MRC1: variants seen among roughly 807,000 people sequenced by gnomAD.
MRC1 encodes macrophage mannose receptor 1.
A neutral mutation model predicts 102.9 loss-of-function variants in MRC1; 62 were observed. The observed-to-expected ratio is 0.60, with a 90% confidence interval of 0.49 to 0.74. MRC1 has a LOEUF of 0.74. Ranked by LOEUF, MRC1 falls within the 30% of genes least tolerant of loss-of-function variation. The pLI, the probability that MRC1 is intolerant of heterozygous loss-of-function variation, is 0.00. For missense variants in MRC1, 1,237 were observed against 862.8 expected (o/e 1.43, Z -5.43); for synonymous variants, 457 against 298.4 (o/e 1.53, Z -5.48).
At chr10:17,816,043 C>T (rs537237997) in intron 1 of MRC1, among the ~76,000 whole-genome samples, 11 of 152,120 alleles carry the variant, frequency 7.2e-5, no homozygotes, top group African/African-American at 1.2e-4. Context: ...AGGCTGATCT[C>T]GAACTCCTGA....
intron 5 of MRC1, among the ~76,000 whole-genome samples, chr10:17,843,385 T>C (rs1446310544): frequency 6.6e-6 from 1 of 152,078 alleles, no homozygotes; most frequent in Non-Finnish European, 1.5e-5. Context: ...AAGATAACTT[T>C]GGCCAGGTGC....
intron 9 of MRC1, among the ~76,000 whole-genome samples, chr10:17,857,622 A>G (rs1386227402): frequency 6.6e-6 from 1 of 152,222 alleles, no homozygotes; most frequent in Non-Finnish European, 1.5e-5. Context: ...ACTGAAACAC[A>G]AAGAGTTTAA....
intron 8 of MRC1, among the ~76,000 whole-genome samples, chr10:17,853,927 C>T (rs1231665410): frequency 1.3e-5 from 2 of 152,096 alleles, no homozygotes; most frequent in East Asian, 1.9e-4. Flanking sequence ...GTACTTAGCT[C>T]ACCTGTGGAT....
At chr10:17,810,794 ATTTTAT>A (rs1339222800) in intron 1 of MRC1, among the ~76,000 whole-genome samples, 2 of 152,150 alleles carry the variant, frequency 1.3e-5, no homozygotes, top group Non-Finnish European at 2.9e-5. Context: ...GATGAAATTA[ATTTTAT>A]TTTTATTTTT....
chr10:17,866,957 A>G (rs966952491), intron 12 of MRC1, among the ~76,000 whole-genome samples, 196 bp downstream of exon 12: 11 of 152,032 alleles, frequency 7.2e-5, no homozygotes, highest in Non-Finnish European at 1.6e-4. Flanking sequence ...TAGACCCACA[A>G]ATACAACCAA....
chr10:17,851,053 A>T (rs1041002381), intron 7 of MRC1, among the ~76,000 whole-genome samples: 1 of 152,226 alleles, frequency 6.6e-6, no homozygotes, highest in Non-Finnish European at 1.5e-5. Context: ...ACTTAAATTT[A>T]GTGTGGCACT....
Position 17,849,624 on chromosome 10 carries a change from C to T in MRC1, c.1109C>T (p.Ala370Val). 2.6e-6 allele frequency: 2 copies of T among 780,820 alleles called. No individual in the cohort carries two copies. The highest frequency in any genetic ancestry group is 4.8e-6 in the Non-Finnish European group (2 of 418,084). The allele number at this position is 780,820 out of a possible 1,614,324, so 48.4% of individuals were successfully genotyped here. ...THCPSQWWPY[A>V]GHCYKIHRDE... The stretch of plus-strand genomic sequence containing the variant: ...TGTCCTAGTCAGTGGTGGCCGTATG[C>T]CGGTCACTGTTACAAGATTCACAGA... The change falls in exon 7 of 30, where the codon GCC (alanine) becomes GTC (valine). Residue 370 changes from alanine (A) to valine (V), a missense_variant. Ala to Val is a moderately conservative substitution (Grantham distance 64, BLOSUM62 0). Coordinates refer to ENST00000569591, the MANE Select transcript of MRC1 (RefSeq NM_002438.4).
At chr10:17,841,720 C>T (rs1838753691) in intron 5 of MRC1, among the ~76,000 whole-genome samples, 1 of 151,294 alleles carries the variant, frequency 6.6e-6, no homozygotes, top group Admixed American at 6.6e-5. Context: ...ATCCCCACCC[C>T]TCAATCCCAC....
chr10:17,844,040 C>T lies in MRC1; in HGVS notation c.917-1249C>T, dbSNP rs868972191. Among the ~76,000 whole-genome samples the T allele has an allele frequency of 8.5e-5, 13 of 152,256 alleles. No individual in the cohort carries two copies. The Middle Eastern group carries it at 0.01, about 120-fold the overall frequency. ...GAAATGTATCAATGCCTACATTCAT[C>T]CCTTTAGCAACGTTGACTTTATCTG... On this transcript the variant is annotated intron_variant, in intron 5 of 29. Transcript: ENST00000569591.
chr10:17,907,966 A>G (rs1432153037), intron 28 of MRC1, among the ~76,000 whole-genome samples: 1 of 152,212 alleles, frequency 6.6e-6, no homozygotes, highest in Non-Finnish European at 1.5e-5. Flanking sequence ...CCAAGCTGCA[A>G]ACAGTCAGGA....
In MRC1 at chr10:17,866,563, G is replaced by C; in HGVS notation, c.1785G>C (p.Gly595=). 1 of 780,850 alleles carries C rather than the reference G, an allele frequency of 1.3e-6. No individual in the cohort carries two copies. 48.4% of individuals were successfully genotyped at this position (780,850 alleles called of 1,614,324 possible). The change falls in exon 12 of 30, where the codon GGG becomes GGC. Residue 595 remains glycine, a splice_region_variant and synonymous_variant. Transcript: ENST00000569591. ...RFTHWNSDMP[G]RKPGCVAMRT... is the part of the protein sequence containing the mutation. ...TTCTACTTCATATATTTAATGCAGG[G>C]CGAAAGCCAGGGTGTGTTGCCATGA... is the stretch of plus-strand genomic sequence containing the variant.
At chr10:17,831,110 C>G (rs965700321) in intron 3 of MRC1, among the ~76,000 whole-genome samples, 18 of 149,302 alleles carry the variant, frequency 1.2e-4, no homozygotes, top group African/African-American at 4.5e-4. Flanking sequence ...GTTGGTCAGG[C>G]TGATCGCGAA....
chr10:17,898,344 G>A, intron 24 of MRC1, 78 bp downstream of exon 24: 2 of 779,902 alleles, frequency 2.6e-6, no homozygotes, highest in Middle Eastern at 2.3e-4. Flanking sequence ...TGTTTGTTCT[G>A]TTGAATACTC....
intron 1 of MRC1, among the ~76,000 whole-genome samples, chr10:17,813,321 T>A (rs1838253531): frequency 6.6e-6 from 1 of 152,194 alleles, no homozygotes. Flanking sequence ...GACATAGACA[T>A]CACGCTAATG....
chr10:17,844,466 C>A (rs968996479), intron 5 of MRC1, among the ~76,000 whole-genome samples: 1 of 152,102 alleles, frequency 6.6e-6, no homozygotes, highest in East Asian at 1.9e-4. Context: ...TTGATCCATC[C>A]GCCTCAGCCT....
intron 15 of MRC1, among the ~76,000 whole-genome samples, chr10:17,872,766 G>C (rs1042430309): frequency 6.6e-6 from 1 of 152,214 alleles, no homozygotes; most frequent in East Asian, 1.9e-4. Flanking sequence ...AGTCAGGCCA[G>C]AGGATCCGAG....
intron 22 of MRC1, among the ~76,000 whole-genome samples, chr10:17,889,800 A>G (rs1833648582): frequency 1.3e-5 from 2 of 152,190 alleles, no homozygotes; most frequent in African/African-American, 4.8e-5. Flanking sequence ...TCCTTAGTAT[A>G]TTATTCATAG....
chr10:17,810,873 A>C (rs1838209954), intron 1 of MRC1, among the ~76,000 whole-genome samples: 1 of 152,108 alleles, frequency 6.6e-6, no homozygotes, highest in Admixed American at 6.5e-5. Context: ...GCTCACTGCA[A>C]CCTCTACTTC....
intron 29 of MRC1, 79 bp downstream of exon 29, chr10:17,909,426 C>A: frequency 2.5e-6 from 2 of 784,756 alleles, no homozygotes; most frequent in Non-Finnish European, 4.6e-6. Context: ...AATCATAATC[C>A]CTTCCAACTC....
Sources: gnomAD v4.1 joint callset for allele counts (sites outside exome capture counted in the v4.1 genomes callset) on GRCh38, gnomAD v4.1.1 for gene constraint, MANE v1.5 for transcripts, NCBI Gene and HGNC (gene_info 2026-07-23, HGNC 2026-07-21) for gene names.